PCDH9: variants seen among roughly 807,000 people sequenced by gnomAD.
PCDH9 encodes protocadherin-9.
A neutral mutation model predicts 70.6 loss-of-function variants in PCDH9; 24 were observed. That is an observed-to-expected ratio of 0.34 (90% CI 0.25 to 0.48). PCDH9 has a LOEUF of 0.48. Among genes scored for constraint, PCDH9 ranks in the 20% least tolerant of loss-of-function variants. The probability of loss-of-function intolerance (pLI) is 0.99; values close to 1 mark genes in which losing one functional copy is unlikely to be tolerated. For synonymous variants in PCDH9, 562 were observed against 558.5 expected, an observed-to-expected ratio of 1.01 and a Z score of -0.09; for missense variants, 1,281 against 1,503.6, an observed-to-expected ratio of 0.85 and a Z score of 2.45.
At chr13:66,477,441 C>T (rs921876550) in intron 4 of PCDH9, among the ~76,000 whole-genome samples, 1 of 152,014 alleles carries the variant, frequency 6.6e-6, no homozygotes, top group African/African-American at 2.4e-5. Context: ...TTATGCTTAC[C>T]TAAATTATAT....
intron 4 of PCDH9, among the ~76,000 whole-genome samples, chr13:66,614,566 C>G (rs1408826122): frequency 6.6e-6 from 1 of 152,124 alleles, no homozygotes; most frequent in Non-Finnish European, 1.5e-5. Flanking sequence ...ATTTAACAGC[C>G]TTCTGAAAAA....
At chr13:66,415,519 A>G (rs1957446389) in intron 4 of PCDH9, among the ~76,000 whole-genome samples, 1 of 152,184 alleles carries the variant, frequency 6.6e-6, no homozygotes, top group Non-Finnish European at 1.5e-5. Flanking sequence ...GGTAGTATCC[A>G]AACAATGTAT....
At chr13:66,894,041 A>T (rs951676928) in intron 3 of PCDH9, among the ~76,000 whole-genome samples, 4 of 152,010 alleles carry the variant, frequency 2.6e-5, no homozygotes, top group Non-Finnish European at 4.4e-5. Flanking sequence ...TCAATTTCAA[A>T]CTCGATGTCT....
Position 67,192,864 on chromosome 13 carries a change from T to C in PCDH9, c.3036+32541A>G, listed in dbSNP as rs147009033. Reference sequence around the variant, plus strand: ...TTGCCAGAAGCACATGTAAACTCTGTTTTTATAAGGACAGTTCACGTAAGA... The same window carrying C: ...TTGCCAGAAGCACATGTAAACTCTGCTTTTATAAGGACAGTTCACGTAAGA... On this transcript the variant is annotated intron_variant, in intron 2 of 4. Coordinates refer to ENST00000377865, the MANE Select transcript of PCDH9 (RefSeq NM_203487.3). Among the ~76,000 whole-genome samples the C allele has an allele frequency of 4.6e-4, 70 of 152,224 alleles. 1 individual carries two copies. In the East Asian group the frequency reaches 0.012, roughly 26 times the overall value.
intron 3 of PCDH9, among the ~76,000 whole-genome samples, chr13:66,842,127 A>C (rs1402940431): frequency 6.6e-6 from 1 of 152,212 alleles, no homozygotes; most frequent in African/African-American, 2.4e-5. Flanking sequence ...TACTAACATC[A>C]AATGTAGCTT....
At chr13:66,858,386 C>T (rs369693157) in intron 3 of PCDH9, among the ~76,000 whole-genome samples, 10 of 152,230 alleles carry the variant, frequency 6.6e-5, no homozygotes, top group East Asian at 3.9e-4. Flanking sequence ...TGTCCAAATT[C>T]GTTAGATGAC....
At chr13:66,634,566 T>C (rs988989687) in intron 3 of PCDH9, among the ~76,000 whole-genome samples, 1 of 151,928 alleles carries the variant, frequency 6.6e-6, no homozygotes, top group Non-Finnish European at 1.5e-5. Flanking sequence ...CCTTGAGAAA[T>C]AGAAAATAAT....
intron 3 of PCDH9, among the ~76,000 whole-genome samples, chr13:66,654,413 A>C (rs2077898653): frequency 6.6e-6 from 1 of 152,126 alleles, no homozygotes; most frequent in Non-Finnish European, 1.5e-5. Flanking sequence ...ATAGCACAAC[A>C]GGGAAACTAC....
intron 4 of PCDH9, among the ~76,000 whole-genome samples, chr13:66,412,061 G>A (rs796702360): frequency 3.0e-4 from 46 of 152,294 alleles, no homozygotes; most frequent in Middle Eastern, 3.4e-3. Flanking sequence ...CTTTTCATGG[G>A]AGAAGACACA....
At chr13:66,728,739 A>G (rs1008630835) in intron 3 of PCDH9, among the ~76,000 whole-genome samples, 22 of 152,020 alleles carry the variant, frequency 1.4e-4, no homozygotes, top group African/African-American at 4.3e-4. Flanking sequence ...CTCTAATATT[A>G]TTTTCCTACT....
rs1289485922 is a variant in PCDH9, at chr13:66,631,268, A to G, written c.3282T>C (p.Tyr1094=). 1 of 1,611,584 alleles carries G rather than the reference A, an allele frequency of 6.2e-7. No homozygotes were observed. The highest frequency in any genetic ancestry group is 2.2e-5 in the East Asian group (1 of 44,864). ...TCCTCTTGTCCGGAGAGGCCTGGTC[A>G]TAGAATTCGTCCTGTGGCTGAACCA... The part of the protein sequence containing the change: ...LPLVQPQDEF[Y]DQASPDKRTE... Residue 1094 remains tyrosine, a synonymous_variant, in exon 4 of 5, where the codon TAT becomes TAC. Transcript: ENST00000377865.
chr13:66,306,124 T>C (rs1955460066), intron 4 of PCDH9: 1 of 151,910 alleles, frequency 6.6e-6, no homozygotes, highest in Admixed American at 6.6e-5. Flanking sequence ...CATAAAGCAT[T>C]TTCAAATGCA....
At chr13:67,184,544 T>C (rs931259793) in intron 2 of PCDH9, among the ~76,000 whole-genome samples, 11 of 152,170 alleles carry the variant, frequency 7.2e-5, no homozygotes, top group African/African-American at 2.6e-4. Context: ...GCCAGAGCAA[T>C]ACGGTGAAAC....
At chr13:66,978,014 A>T (rs1566335009) in intron 2 of PCDH9, among the ~76,000 whole-genome samples, 1 of 152,216 alleles carries the variant, frequency 6.6e-6, no homozygotes, top group Non-Finnish European at 1.5e-5. Flanking sequence ...CCCTTAAAAC[A>T]CTTTAAAGCC....
At chr13:66,429,061 T>C (rs1957722101) in intron 4 of PCDH9, among the ~76,000 whole-genome samples, 1 of 151,844 alleles carries the variant, frequency 6.6e-6, no homozygotes, top group Admixed American at 6.6e-5. Flanking sequence ...TTCTAGCACA[T>C]GCAGTTTTAT....
At chr13:67,173,439 A>G (rs1476117391) in intron 2 of PCDH9, among the ~76,000 whole-genome samples, 1 of 152,122 alleles carries the variant, frequency 6.6e-6, no homozygotes, top group Non-Finnish European at 1.5e-5. Context: ...TATATTTTCC[A>G]ACTACAACCC....
At chr13:66,519,245 A>G (rs1186796038) in intron 4 of PCDH9, among the ~76,000 whole-genome samples, 1 of 152,122 alleles carries the variant, frequency 6.6e-6, no homozygotes, top group Non-Finnish European at 1.5e-5. Context: ...ATATATAAAA[A>G]TCCTTTAAAA....
chr13:66,689,081 CAAATGTAT>C (rs1467912275), intron 3 of PCDH9, among the ~76,000 whole-genome samples: 1 of 152,106 alleles, frequency 6.6e-6, no homozygotes, highest in Non-Finnish European at 1.5e-5. Context: ...CAAGGAAACA[CAAATGTAT>C]GTATCTAGCC....
chr13:66,929,438 C>T (rs887872322), intron 2 of PCDH9, among the ~76,000 whole-genome samples: 12 of 152,046 alleles, frequency 7.9e-5, no homozygotes, highest in Non-Finnish European at 1.5e-4. Flanking sequence ...ATTCTTCTGC[C>T]TCAGCCTCCC....
Sources: allele counts gnomAD v4.1 joint callset (sites outside exome capture counted in the v4.1 genomes callset), GRCh38; gene constraint gnomAD v4.1.1; transcripts MANE v1.5; gene names NCBI Gene and HGNC (gene_info 2026-07-23, HGNC 2026-07-21).